Variants in SH3GL2 observed in about 807,000 individuals in gnomAD.
SH3GL2 encodes SH3 domain containing GRB2 like 2, endophilin A1.
SH3GL2 carries 24 observed loss-of-function variants against 46.0 expected under a neutral mutation model. The ratio of observed to expected loss-of-function variants is 0.52; its 90% CI spans 0.38 to 0.73. The LOEUF is 0.73. Among genes scored for constraint, SH3GL2 ranks in the 30% least tolerant of loss-of-function variants. The pLI is 0.00. For missense variants in SH3GL2, 413 were observed against 424.2 expected (o/e 0.97, Z 0.23); for synonymous variants, 196 against 147.1 (o/e 1.33, Z -2.40).
intron 1 of SH3GL2, among the ~76,000 whole-genome samples, chr9:17,633,832 A>G (rs1221509044): frequency 3.9e-5 from 6 of 152,190 alleles, no homozygotes; most frequent in Admixed American, 2.6e-4. Context: ...GAGTAGGTGT[A>G]TGTTCAGCTG....
At chr9:17,738,868 T>C (rs1412471036) in intron 1 of SH3GL2, among the ~76,000 whole-genome samples, 3 of 152,014 alleles carry the variant, frequency 2.0e-5, no homozygotes, top group Non-Finnish European at 4.4e-5. Flanking sequence ...CCACCCACAT[T>C]ATGAAGGATA....
At chr9:17,727,193 G>A (rs1191789571) in intron 1 of SH3GL2, among the ~76,000 whole-genome samples, 1 of 152,204 alleles carries the variant, frequency 6.6e-6, no homozygotes, top group African/African-American at 2.4e-5. Flanking sequence ...ACAAGTTACA[G>A]AAGGTTGTAT....
intron 1 of SH3GL2, among the ~76,000 whole-genome samples, chr9:17,624,004 A>C (rs1363554649): frequency 6.6e-6 from 1 of 152,146 alleles, no homozygotes; most frequent in African/African-American, 2.4e-5. Flanking sequence ...GGGGTCAAAT[A>C]CTTCATTTTA....
chr9:17,624,710 C>T (rs528581028), intron 1 of SH3GL2, among the ~76,000 whole-genome samples: 34 of 152,296 alleles, frequency 2.2e-4, no homozygotes, highest in Middle Eastern at 6.8e-3. Flanking sequence ...CACTTTCTGG[C>T]ATAACAATGT....
chr9:17,757,250 A>G (rs554483087), intron 2 of SH3GL2, among the ~76,000 whole-genome samples: 1 of 152,332 alleles, frequency 6.6e-6, no homozygotes, highest in Non-Finnish European at 1.5e-5. Context: ...TGGGCAAGGC[A>G]TTAGACTTCA....
At chr9:17,651,157 T>G (rs925769572) in intron 1 of SH3GL2, among the ~76,000 whole-genome samples, 2 of 152,204 alleles carry the variant, frequency 1.3e-5, no homozygotes, top group African/African-American at 2.4e-5. Flanking sequence ...GGGTAAACTT[T>G]CAGCTTTTGC....
intron 1 of SH3GL2, among the ~76,000 whole-genome samples, chr9:17,638,624 C>G (rs1317533936): frequency 1.3e-5 from 2 of 152,178 alleles, no homozygotes; most frequent in Non-Finnish European, 2.9e-5. Flanking sequence ...GTACTCTCCT[C>G]TTTGTGGGCT....
At chr9:17,738,641 T>TAGAGAGAGAGAGAGAG (rs1554645334) in intron 1 of SH3GL2, among the ~76,000 whole-genome samples, 21 of 88,872 alleles carry the variant, frequency 2.4e-4, no homozygotes, top group South Asian at 4.9e-4. Flanking sequence ...TATATATATA[T>TAGAGAGAGAGAGAGAG]AGAGAGAGAG....
At chr9:17,748,711 C>G (rs768295770) in intron 2 of SH3GL2, among the ~76,000 whole-genome samples, 1 of 151,978 alleles carries the variant, frequency 6.6e-6, no homozygotes, top group Non-Finnish European at 1.5e-5. Context: ...GCATGAAGTT[C>G]GTAGTCTAGT....
At chr9:17,620,506 G>A (rs1170387381) in intron 1 of SH3GL2, among the ~76,000 whole-genome samples, 2 of 152,114 alleles carry the variant, frequency 1.3e-5, no homozygotes, top group African/African-American at 4.8e-5. Context: ...GATGAGTAAT[G>A]GGCTCGCAGA....
intron 1 of SH3GL2, among the ~76,000 whole-genome samples, chr9:17,739,122 A>C (rs1022296823): frequency 1.3e-5 from 2 of 152,094 alleles, no homozygotes; most frequent in Non-Finnish European, 2.9e-5. Flanking sequence ...GGCCCAGGGT[A>C]GTTTGTAGTT....
At chr9:17,600,139 G>A (rs1818642775) in intron 1 of SH3GL2, among the ~76,000 whole-genome samples, 2 of 152,146 alleles carry the variant, frequency 1.3e-5, no homozygotes, top group South Asian at 2.1e-4. Flanking sequence ...ACACAAAAAA[G>A]TACCTGGGTG....
chr9:17,780,788 T>C (rs1563851833), intron 3 of SH3GL2, among the ~76,000 whole-genome samples: 1 of 24,804 alleles, frequency 4.0e-5, no homozygotes, highest in Non-Finnish European at 8.0e-5. Context: ...ATTTCATCCA[T>C]GTCCCTACAA....
At chr9:17,727,294 G>A (rs568162419) in intron 1 of SH3GL2, among the ~76,000 whole-genome samples, 28 of 152,278 alleles carry the variant, frequency 1.8e-4, no homozygotes, top group African/African-American at 6.0e-4. Flanking sequence ...CATAGCACAG[G>A]TGTCAACTAT....
chr9:17,605,394 C>G (rs115224973), intron 1 of SH3GL2, among the ~76,000 whole-genome samples: 3 of 152,100 alleles, frequency 2.0e-5, no homozygotes, highest in African/African-American at 4.8e-5. Context: ...AAGACTTCAT[C>G]CGAAATTGAG....
intron 1 of SH3GL2, among the ~76,000 whole-genome samples, chr9:17,669,643 G>T (rs1414207676): frequency 3.3e-5 from 5 of 152,176 alleles, no homozygotes; most frequent in Non-Finnish European, 7.3e-5. Context: ...GGACCAGTTT[G>T]TATAATTGTT....
At chr9:17,647,756 C>T (rs551357836) in intron 1 of SH3GL2, among the ~76,000 whole-genome samples, 2 of 152,250 alleles carry the variant, frequency 1.3e-5, no homozygotes, top group South Asian at 4.2e-4. Context: ...GGCATGTAAG[C>T]ACTCACCAAC....
chr9:17,640,090 C>T (rs1819639190), intron 1 of SH3GL2, among the ~76,000 whole-genome samples: 1 of 151,970 alleles, frequency 6.6e-6, no homozygotes, highest in Admixed American at 6.6e-5. Context: ...TATGAACACT[C>T]ATCAAAATAT....
At chr9:17,630,083 A>G (rs557531440) in intron 1 of SH3GL2, among the ~76,000 whole-genome samples, 1 of 152,302 alleles carries the variant, frequency 6.6e-6, no homozygotes, top group South Asian at 2.1e-4. Context: ...TGGCCTCAGA[A>G]TCACTGCTTT....
Sources: gnomAD v4.1 joint callset for allele counts (sites outside exome capture counted in the v4.1 genomes callset) on GRCh38, gnomAD v4.1.1 for gene constraint, MANE v1.5 for transcripts, NCBI Gene and HGNC (gene_info 2026-07-23, HGNC 2026-07-21) for gene names.